Variants in ITK observed in about 807,000 individuals in gnomAD.
ITK encodes the protein IL2 inducible T cell kinase, also known as tyrosine-protein kinase ITK/TSK.
ITK carries 45 observed loss-of-function variants against 87.6 expected under a neutral mutation model. The observed-to-expected ratio is 0.51, with a 90% CI of 0.40 to 0.66. The LOEUF (loss-of-function observed/expected upper bound fraction) is 0.66. ITK is among the 30% of genes least tolerant of loss of function. The pLI is 0.00. For synonymous variants in ITK, 303 were observed against 273.6 expected (o/e 1.11, Z -1.06); for missense variants, 605 against 766.3 (o/e 0.79, Z 2.48).
chr5:157,251,826 G>A (rs896457144), intron 16 of ITK, among the ~76,000 whole-genome samples: 4 of 152,060 alleles, frequency 2.6e-5, no homozygotes, highest in African/African-American at 9.7e-5. Context: ...ATCTATATCT[G>A]GGCTGATCCA....
chr5:157,242,431 C>A (rs1487611012), intron 11 of ITK, among the ~76,000 whole-genome samples: 1 of 152,156 alleles, frequency 6.6e-6, no homozygotes, highest in Non-Finnish European at 1.5e-5. Flanking sequence ...TGACTCCTGG[C>A]TCCTATCCAA....
rs943627548 is a variant in ITK, at chr5:157,252,933, T to C, written c.*255T>C. On this transcript the variant is annotated 3_prime_UTR_variant, in exon 17 of 17. Coordinates refer to ENST00000422843, the MANE Select transcript of ITK (RefSeq NM_005546.4). ...ATGTCTCTGCCCTTCCTCTAGCCTCTTGTCACATGTGGTGCACAAACCTCA... is the reference window on the plus strand; with the variant it reads ...ATGTCTCTGCCCTTCCTCTAGCCTCCTGTCACATGTGGTGCACAAACCTCA... 5 of 540,030 alleles carry C rather than the reference T, an allele frequency of 9.3e-6. No individual in the cohort carries two copies. In the African/African-American group the frequency reaches 9.4e-5, roughly 10 times the overall value. 33.5% of individuals were successfully genotyped at this position (540,030 alleles called of 1,614,324 possible). A position where few individuals can be genotyped will look rare whatever the true frequency, so the allele number is the denominator to read the frequency against.
At chr5:157,184,517 G>GA (rs1451811916) in intron 1 of ITK, among the ~76,000 whole-genome samples, 1 of 152,282 alleles carries the variant, frequency 6.6e-6, no homozygotes, top group East Asian at 1.9e-4. Context: ...GCGGTAAAGG[G>GA]AAAATGGAGA....
At chr5:157,241,395 T>C (rs1170517732) in intron 10 of ITK, 1 of 220,458 alleles carries the variant, frequency 4.5e-6, no homozygotes, top group African/African-American at 2.3e-5. Flanking sequence ...ATGACAAATA[T>C]TTAATTATAT....
At chr5:157,234,618 T>G (rs1164915064) in intron 8 of ITK, among the ~76,000 whole-genome samples, 1 of 152,228 alleles carries the variant, frequency 6.6e-6, no homozygotes. Flanking sequence ...TCATGTCCTT[T>G]GCAGGGACAT....
At chr5:157,211,197 C>T (rs988415903) in intron 2 of ITK, 90 bp from the exon 3 acceptor site, 37 of 1,059,276 alleles carry the variant, frequency 3.5e-5, no homozygotes, top group African/African-American at 3.1e-4. Context: ...GATAAACACC[C>T]GAGACCCCAC....
rs1387693656 is a variant in ITK, at chr5:157,244,387, T to C, written c.1358T>C (p.Leu453Pro). ...LSDYLRTQRG[L>P]FAAETLLGMC... ...GATTATCTACGCACCCAGCGGGGAC[T>C]TTTTGCTGCAGAGACCCTGCTGGGC... Residue 453 changes from leucine to proline, a missense_variant, in exon 13 of 17, where the codon CTT becomes CCT. Around this residue, in one of 3 missense-constraint regions of ITK, gnomAD observed 464 missense variants for 578.0 expected, o/e 0.80. Coordinates refer to ENST00000422843, the MANE Select transcript of ITK (RefSeq NM_005546.4). 6.2e-7 allele frequency: 1 copy of C among 1,613,990 alleles called. No individual in the cohort carries two copies. The highest frequency in any genetic ancestry group is 1.7e-5 in the Admixed American group (1 of 60,012).
Position 157,188,990 on chromosome 5 carries a change from G to A in ITK, c.138+7875G>A, listed in dbSNP as rs935645682. 2.6e-5 allele frequency among the ~76,000 whole-genome samples: 4 copies of A among 152,228 alleles called. No individual in the cohort carries two copies. The East Asian group carries it at 5.8e-4, about 22-fold the overall frequency. On this transcript the variant is annotated intron_variant, in intron 1 of 16. Transcript: ENST00000422843. ...TTCTGGGCACTGGTTAGTTGTAGTAGGTGATCAGTAAATATCCGGGGAATG... is the reference window on the plus strand; with the variant it reads ...TTCTGGGCACTGGTTAGTTGTAGTAAGTGATCAGTAAATATCCGGGGAATG...
At chr5:157,229,028 TTAAAA>T (rs1366901144) in intron 7 of ITK, among the ~76,000 whole-genome samples, 7 of 151,840 alleles carry the variant, frequency 4.6e-5, no homozygotes, top group African/African-American at 1.7e-4. Flanking sequence ...ATAATGACTA[TTAAAA>T]TAAGTAATAG....
chr5:157,190,085 G>A (rs2113738767), intron 1 of ITK, among the ~76,000 whole-genome samples: 1 of 152,280 alleles, frequency 6.6e-6, no homozygotes, highest in South Asian at 2.1e-4. Flanking sequence ...TTGAAATTCA[G>A]TAAAAGTTTT....
intron 5 of ITK, among the ~76,000 whole-genome samples, chr5:157,219,898 T>G (rs1466409497): frequency 6.6e-6 from 1 of 152,234 alleles, no homozygotes; most frequent in Non-Finnish European, 1.5e-5. Flanking sequence ...CCCTACACTC[T>G]GCCATTTGGC....
At chr5:157,239,756 T>A (rs890414441) in intron 9 of ITK, among the ~76,000 whole-genome samples, 2 of 152,204 alleles carry the variant, frequency 1.3e-5, no homozygotes, top group African/African-American at 4.8e-5. Context: ...GTTAAATTCA[T>A]AGAATAGGCA....
intron 6 of ITK, among the ~76,000 whole-genome samples, chr5:157,225,562 T>C (rs1351106436): frequency 1.3e-5 from 2 of 151,986 alleles, no homozygotes; most frequent in African/African-American, 4.8e-5. Flanking sequence ...TCTCTTTAAG[T>C]AGGCTTATCA....
rs766327272 is a variant in ITK at position 157,213,522 on chromosome 5, T to G, written c.326-669T>G. On this transcript the variant is annotated intron_variant, in intron 3 of 16. Coordinates refer to ENST00000422843, the MANE Select transcript of ITK (RefSeq NM_005546.4). ...CCTCCTGAGTAGCTGGGACTACAGG[T>G]GCATGACACCATGCCCAGCTAACTT... 8 of 439,550 alleles carry G rather than the reference T, an allele frequency of 1.8e-5. No individual in the cohort carries two copies. In the East Asian group the frequency reaches 5.6e-4, roughly 31 times the overall value. The allele number at this position is 439,550 out of a possible 1,614,324, so 27.2% of individuals were successfully genotyped here. A position where few individuals can be genotyped will look rare whatever the true frequency, so the allele number is the denominator to read the frequency against.
rs1430674983 is a variant in ITK, at chr5:157,254,131, G to A, written c.*1453G>A. On this transcript the variant is annotated 3_prime_UTR_variant, in exon 17 of 17. Coordinates refer to ENST00000422843, the MANE Select transcript of ITK (RefSeq NM_005546.4). ...CACTGGCTTCTACTGAAAATGAAAC[G>A]GATTGCAGAGGGAATAAATACAAAG... is the stretch of plus-strand genomic sequence containing the variant. The A allele has an allele frequency of 2.6e-5, 6 of 228,204 alleles. No homozygotes were observed. The highest frequency in any genetic ancestry group is 1.1e-4 in the African/African-American group (5 of 45,028). 14.1% of individuals were successfully genotyped at this position (228,204 alleles called of 1,614,324 possible).
intron 7 of ITK, 129 bp from the exon 8 acceptor site, chr5:157,232,211 C>A (rs1303275898): frequency 1.5e-6 from 1 of 687,770 alleles, no homozygotes; most frequent in African/African-American, 1.8e-5. Flanking sequence ...AAATAAAATA[C>A]ACTTAAAATT....
At chr5:157,243,448 A>G (rs993812932) in intron 11 of ITK, among the ~76,000 whole-genome samples, 175 bp from the exon 12 acceptor site, 3 of 152,158 alleles carry the variant, frequency 2.0e-5, no homozygotes, top group Non-Finnish European at 2.9e-5. Flanking sequence ...ACATATTTTC[A>G]TAGTTTTCTA....
At position 157,244,380 on chromosome 5, in the gene ITK, C is replaced by A. The variant is rs200331133; in HGVS notation, c.1351C>A (p.Arg451=). 1 of 1,613,948 alleles carries A rather than the reference C, an allele frequency of 6.2e-7. No homozygotes were observed. Among genetic ancestry groups the A allele is most frequent in the South Asian group, 1.1e-5 (1 of 91,064 alleles). ...GCLSDYLRTQ[R]GLFAAETLLG... ...CCTGTCAGATTATCTACGCACCCAG[C>A]GGGGACTTTTTGCTGCAGAGACCCT... is the stretch of plus-strand genomic sequence containing the variant. The change falls in exon 13 of 17, where the codon CGG becomes AGG. Residue 451 remains arginine, a synonymous_variant. Coordinates refer to ENST00000422843, the MANE Select transcript of ITK (RefSeq NM_005546.4).
intron 1 of ITK, among the ~76,000 whole-genome samples, chr5:157,194,211 A>C (rs1753808922): frequency 6.6e-6 from 1 of 152,112 alleles, no homozygotes; most frequent in Non-Finnish European, 1.5e-5. Flanking sequence ...GACTGCGAGC[A>C]TCTCAGCCAG....
Sources: allele counts gnomAD v4.1 joint callset (sites outside exome capture counted in the v4.1 genomes callset), GRCh38; gene constraint gnomAD v4.1.1; regional missense constraint gnomAD v4.1.1; transcripts MANE v1.5; gene names NCBI Gene and HGNC (gene_info 2026-07-23, HGNC 2026-07-21).